PCDHGB3: variants seen among roughly 807,000 people sequenced by gnomAD.
PCDHGB3 encodes protocadherin gamma-B3.
A neutral mutation model predicts 59.2 loss-of-function variants in PCDHGB3; 40 were observed. That is an observed-to-expected ratio of 0.68 (90% CI 0.52 to 0.88). The LOEUF is 0.88. PCDHGB3 is among the 40% of genes least tolerant of loss of function. The probability of loss-of-function intolerance (pLI) is 0.00; values close to 1 mark genes in which losing one functional copy is unlikely to be tolerated. For missense variants in PCDHGB3, 1,309 were observed against 1,187.9 expected, an observed-to-expected ratio of 1.10 and a Z score of -1.50; for synonymous variants, 581 against 503.6, an observed-to-expected ratio of 1.15 and a Z score of -2.06.
At chr5:141,428,400 G>C (rs373595231) in intron 1 of PCDHGB3, 4 of 483,290 alleles carry the variant, frequency 8.3e-6, no homozygotes, top group African/African-American at 2.0e-5. Flanking sequence ...CCTCTGCCTG[G>C]GGTTGCTTTC....
At chr5:141,415,740 G>GTTTTTTTTTTTTTTTTT (rs57426385) in intron 1 of PCDHGB3, 21 of 625,042 alleles carry the variant, frequency 3.4e-5, no homozygotes, top group African/African-American at 7.5e-5. Flanking sequence ...GTTTATTAAG[G>GTTTTTTTTTTTTTTTTT]TTTTTTTTTT....
chr5:141,374,994 C>T, intron 1 of PCDHGB3: 1 of 1,614,038 alleles, frequency 6.2e-7, no homozygotes, highest in Non-Finnish European at 8.5e-7. Context: ...ATTTCAACTT[C>T]TGCAAATCTA....
At chr5:141,385,170 C>T (rs1561606866) in intron 1 of PCDHGB3, 2 of 1,614,212 alleles carry the variant, frequency 1.2e-6, no homozygotes, top group Non-Finnish European at 1.7e-6. Flanking sequence ...CCCATGAGGT[C>T]TCCCTCACCG....
chr5:141,509,024 C>T (rs2099873840), intron 3 of PCDHGB3, among the ~76,000 whole-genome samples: 1 of 152,108 alleles, frequency 6.6e-6, no homozygotes, highest in African/African-American at 2.4e-5. Flanking sequence ...GCTGCTCCCT[C>T]CCACTCAACC....
At chr5:141,382,188 C>A (rs1009846367) in intron 1 of PCDHGB3, among the ~76,000 whole-genome samples, 4 of 152,052 alleles carry the variant, frequency 2.6e-5, no homozygotes, top group Non-Finnish European at 4.4e-5. Context: ...AGGTTCTATA[C>A]AATCAAAAAT....
chr5:141,424,294 C>G (rs1260250688), intron 1 of PCDHGB3: 1 of 152,470 alleles, frequency 6.6e-6, no homozygotes, highest in Non-Finnish European at 1.5e-5. Context: ...ATTTCTTCAT[C>G]CTATCAACAC....
At chr5:141,435,614 C>T (rs1274100711) in intron 1 of PCDHGB3, among the ~76,000 whole-genome samples, 1 of 152,056 alleles carries the variant, frequency 6.6e-6, no homozygotes, top group Non-Finnish European at 1.5e-5. Context: ...ACATTAAATT[C>T]CCCATAACTT....
At chr5:141,390,339 C>A in intron 1 of PCDHGB3, 2 of 1,591,234 alleles carry the variant, frequency 1.3e-6, no homozygotes, top group Non-Finnish European at 1.7e-6. Flanking sequence ...TCCATATTCA[C>A]AAGAAAATAT....
At chr5:141,423,251 ACCTCGGCAG>A (rs770264100) in intron 1 of PCDHGB3, 3 of 1,613,726 alleles carry the variant, frequency 1.9e-6, no homozygotes, top group African/African-American at 2.7e-5. Flanking sequence ...GTCCTGGCGG[ACCTCGGCAG>A]CCTCGAGTCT....
At chr5:141,502,140 G>A (rs534984161) in intron 2 of PCDHGB3, among the ~76,000 whole-genome samples, 1 of 152,268 alleles carries the variant, frequency 6.6e-6, no homozygotes, top group South Asian at 2.1e-4. Context: ...CAGTCGGGCC[G>A]GAAGTAAGGA....
chr5:141,413,665 C>T (rs770111467), intron 1 of PCDHGB3: 1 of 1,613,726 alleles, frequency 6.2e-7, no homozygotes, highest in East Asian at 2.2e-5. Flanking sequence ...AGCTATTGAT[C>T]CGGATGTGGG....
chr5:141,466,197 G>A (rs2099118639), intron 1 of PCDHGB3, among the ~76,000 whole-genome samples: 1 of 151,666 alleles, frequency 6.6e-6, no homozygotes, highest in South Asian at 2.1e-4. Flanking sequence ...TTCAGACACA[G>A]CCTTGCTCTG....
At chr5:141,456,919 C>G (rs2098898169) in intron 1 of PCDHGB3, among the ~76,000 whole-genome samples, 1 of 152,124 alleles carries the variant, frequency 6.6e-6, no homozygotes, top group African/African-American at 2.4e-5. Flanking sequence ...GCCGAGATCG[C>G]ACCACTGCAC....
At chr5:141,456,777 A>G (rs572940615) in intron 1 of PCDHGB3, among the ~76,000 whole-genome samples, 2 of 152,214 alleles carry the variant, frequency 1.3e-5, no homozygotes, top group Admixed American at 6.5e-5. Flanking sequence ...AGCCTGGCCT[A>G]CATGGCAAAA....
rs745435492 is a variant in PCDHGB3, at chr5:141,489,215, A to G, written c.2416-5592A>G. The G allele has an allele frequency of 4.1e-6, 6 of 1,475,362 alleles. No homozygotes were observed. Among genetic ancestry groups the G allele is most frequent in the Non-Finnish European group, 5.5e-6 (6 of 1,093,140 alleles). 91.4% of individuals were successfully genotyped at this position (1,475,362 alleles called of 1,614,324 possible). A position where few individuals can be genotyped will look rare whatever the true frequency, so the allele number is the denominator to read the frequency against. ...CTTGGAGACAGGACAGCACAGACTT[A>G]CTCTCCACAAAGGGACTTCTGGGTC... On this transcript the variant is annotated intron_variant, in intron 1 of 3. Coordinates refer to ENST00000576222, the MANE Select transcript of PCDHGB3 (RefSeq NM_018924.5). The surrounding 1 kb of genome is among the most constrained non-coding windows in gnomAD (Gnocchi z 4.5).
intron 1 of PCDHGB3, chr5:141,422,091 G>C: frequency 6.2e-7 from 1 of 1,611,830 alleles, no homozygotes. Context: ...TGGAAAGCAA[G>C]GCTTCTGAAA....
rs2099884522 is a variant in PCDHGB3, at chr5:141,512,941, T to C, written c.*1768T>C. On this transcript the variant is annotated 3_prime_UTR_variant, in exon 4 of 4. Transcript: ENST00000576222. ...CTAATATTTATATGGCTTTTTTTCT[T>C]CGACAAAAAAATAATAAAACGTTTC... The C allele has an allele frequency of 6.6e-6, 1 of 151,892 alleles. No individual in the cohort carries two copies. The highest frequency in any genetic ancestry group is 6.6e-5 in the Admixed American group (1 of 15,236). The allele number at this position is 151,892 out of a possible 1,614,324, so 9.4% of individuals were successfully genotyped here.
intron 1 of PCDHGB3, chr5:141,374,866 G>T (rs956228027): frequency 3.1e-6 from 5 of 1,613,750 alleles, no homozygotes; most frequent in Non-Finnish European, 4.2e-6. Context: ...GCACACCAGT[G>T]TTGGCAGTGA....
intron 1 of PCDHGB3, chr5:141,383,852 A>G (rs1162643765): frequency 1.9e-6 from 3 of 1,613,966 alleles, no homozygotes; most frequent in East Asian, 4.5e-5. Context: ...TATGAAATGG[A>G]GGTTCAGGCT....
Sources: allele counts gnomAD v4.1 joint callset (sites outside exome capture counted in the v4.1 genomes callset), GRCh38; gene constraint gnomAD v4.1.1; non-coding constraint Gnocchi (gnomAD v3.1); transcripts MANE v1.5; gene names NCBI Gene and HGNC (gene_info 2026-07-23, HGNC 2026-07-21).